The following MYO18B variants were observed in gnomAD, a reference collection of about 807,000 sequenced individuals.
MYO18B encodes myosin XVIIIB.
Under a neutral mutation model 273.0 loss-of-function variants are expected in MYO18B, and 204 were observed. The ratio of observed to expected loss-of-function variants is 0.75; its 90% CI spans 0.67 to 0.84. MYO18B has a LOEUF of 0.84. Among genes scored for constraint, MYO18B ranks in the 40% least tolerant of loss-of-function variants. MYO18B has a pLI of 0.00. For missense variants in MYO18B, 3,212 were observed against 3,287.6 expected (o/e 0.98, Z 0.56); for synonymous variants, 1,330 against 1,305.7 (o/e 1.02, Z -0.40).
chr22:25,891,147 A>G (rs2091651070), intron 26 of MYO18B, among the ~76,000 whole-genome samples, 157 bp from the exon 27 acceptor site: 1 of 152,068 alleles, frequency 6.6e-6, no homozygotes, highest in Non-Finnish European at 1.5e-5. Flanking sequence ...TGGGTGAGAA[A>G]TATGCCGAAG....
intron 30 of MYO18B, 50 bp downstream of exon 30, chr22:25,902,786 C>T (rs1341514717): frequency 2.6e-6 from 4 of 1,544,032 alleles, no homozygotes; most frequent in Admixed American, 2.0e-5. Context: ...GGCTAAATCT[C>T]GGGAAACTGC....
chr22:25,835,219 A>G (rs977236188), intron 16 of MYO18B, 77 bp from the exon 17 acceptor site: 60 of 1,499,094 alleles, frequency 4.0e-5, no homozygotes, highest in African/African-American at 2.1e-4. Context: ...CTCATTCCCT[A>G]TCGGTGGGAA....
intron 12 of MYO18B, among the ~76,000 whole-genome samples, chr22:25,820,855 C>T (rs1012047295): frequency 6.6e-6 from 1 of 152,116 alleles, no homozygotes; most frequent in Non-Finnish European, 1.5e-5. Context: ...TTCCCAGCCT[C>T]TAGTATGCTC....
chr22:25,982,108 C>T (rs1248981126), intron 39 of MYO18B, among the ~76,000 whole-genome samples: 2 of 152,180 alleles, frequency 1.3e-5, no homozygotes, highest in Non-Finnish European at 2.9e-5. Context: ...TATTTGCTAA[C>T]ATGAGAGCAG....
At position 25,802,319 on chromosome 22, in the gene MYO18B, C is replaced by T. The variant is rs1323706078; in HGVS notation, c.2521+4222C>T. ...CTAGGCATGACAGCCGACAGCCTCC[C>T]AGCACTTTGATGTGTTGGAAGCTCT... On this transcript the variant is annotated intron_variant, in intron 12 of 43. Transcript: ENST00000335473. Among the ~76,000 whole-genome samples the T allele has an allele frequency of 1.1e-4, 17 of 152,290 alleles. No homozygotes were observed. In the South Asian group the frequency reaches 2.5e-3, roughly 22 times the overall value.
chr22:25,743,712 C>T (rs1393715560), intron 1 of MYO18B, among the ~76,000 whole-genome samples: 1 of 152,186 alleles, frequency 6.6e-6, no homozygotes, highest in African/African-American at 2.4e-5. Context: ...GCCTCCAGGC[C>T]TGGTCACCTT....
At chr22:25,889,085 T>C (rs1257416280) in intron 25 of MYO18B, among the ~76,000 whole-genome samples, 1 of 152,226 alleles carries the variant, frequency 6.6e-6, no homozygotes, top group Non-Finnish European at 1.5e-5. Flanking sequence ...TGGGAGTGCT[T>C]TGTTCTGTGC....
chr22:26,041,832 A>ACAC, the MYO18B span, among the ~76,000 whole-genome samples: 22 of 152,288 alleles, frequency 1.4e-4, no homozygotes, highest in African/African-American at 4.6e-4. Flanking sequence ...TGGAGAAATG[A>ACAC]GGGCCTGTTC....
intron 39 of MYO18B, among the ~76,000 whole-genome samples, chr22:25,961,456 G>A (rs1272972018): frequency 6.6e-6 from 1 of 152,138 alleles, no homozygotes; most frequent in African/African-American, 2.4e-5. Flanking sequence ...CAAGCATCAT[G>A]TTGAAATTTG....
intron 9 of MYO18B, 85 bp from the exon 10 acceptor site, chr22:25,781,649 C>T (rs575347861): frequency 1.7e-5 from 13 of 780,484 alleles, no homozygotes; most frequent in Non-Finnish European, 2.2e-5. Flanking sequence ...TGGGGCACCC[C>T]AATGGGGCTT....
intron 36 of MYO18B, among the ~76,000 whole-genome samples, chr22:25,948,693 C>G (rs566515156): frequency 6.1e-4 from 92 of 151,992 alleles, no homozygotes; most frequent in African/African-American, 2.1e-3. Flanking sequence ...TGATCAGAAG[C>G]ACATCCCATT....
In MYO18B at chr22:25,868,302, CT is replaced by C. The variant is rs2090948725; in HGVS notation, c.3886-17del. 2 of 1,589,850 alleles carry C rather than the reference CT, an allele frequency of 1.3e-6. No homozygotes were observed. The highest frequency in any genetic ancestry group is 1.7e-6 in the Non-Finnish European group (2 of 1,167,580). On this transcript the variant is annotated splice_polypyrimidine_tract_variant and intron_variant, in intron 21 of 43. Transcript: ENST00000335473. ...CTACCTTCTATGCTGTCTAACTTCTCTCTAATTTTTTCCCCAGGCCGTGGAG... is the reference window on the plus strand; with the variant it reads ...CTACCTTCTATGCTGTCTAACTTCTCCTAATTTTTTCCCCAGGCCGTGGAG...
At chr22:25,964,812 G>C (rs2092959341) in intron 39 of MYO18B, 1 of 152,266 alleles carries the variant, frequency 6.6e-6, no homozygotes, top group South Asian at 2.1e-4. Context: ...TGAGGCTCAG[G>C]GAGGTGCTGT....
chr22:25,994,407 G>A (rs996792562), intron 40 of MYO18B, among the ~76,000 whole-genome samples: 12 of 152,150 alleles, frequency 7.9e-5, no homozygotes, highest in Admixed American at 1.3e-4. Flanking sequence ...TTGAGGCTGT[G>A]GTGAGCTGTG....
chr22:25,899,358 A>C (rs2146326458), intron 29 of MYO18B: 1 of 152,376 alleles, frequency 6.6e-6, no homozygotes, highest in East Asian at 1.9e-4. Flanking sequence ...TGGAGATGTC[A>C]TACTAGGCAA....
intron 11 of MYO18B, among the ~76,000 whole-genome samples, chr22:25,796,853 A>G (rs986309400): frequency 2.0e-5 from 3 of 152,210 alleles, no homozygotes; most frequent in African/African-American, 7.2e-5. Flanking sequence ...CTTTAGTATC[A>G]TGGTTGAGGC....
intron 40 of MYO18B, among the ~76,000 whole-genome samples, chr22:25,998,170 C>G (rs1475335433): frequency 1.3e-5 from 2 of 152,224 alleles, no homozygotes; most frequent in Non-Finnish European, 2.9e-5. Flanking sequence ...AACGTGTGCT[C>G]TCCTGCACTA....
chr22:25,756,534 G>A (rs552555256), intron 1 of MYO18B: 1 of 152,338 alleles, frequency 6.6e-6, no homozygotes, highest in South Asian at 2.1e-4. Context: ...ACACTCCCAT[G>A]GCTGCCGTTA....
intron 21 of MYO18B, among the ~76,000 whole-genome samples, chr22:25,860,460 TCTC>T (rs922829229): frequency 7.4e-6 from 1 of 135,584 alleles, no homozygotes; most frequent in Non-Finnish European, 1.5e-5. Flanking sequence ...TCAAAATCCT[TCTC>T]CTCTTCCAAT....
Sources: gnomAD v4.1 joint callset for allele counts (sites outside exome capture counted in the v4.1 genomes callset) on GRCh38, gnomAD v4.1.1 for gene constraint, MANE v1.5 for transcripts, NCBI Gene and HGNC (gene_info 2026-07-23, HGNC 2026-07-21) for gene names.